Variants in DAAM1 observed in about 807,000 individuals in gnomAD.
DAAM1 encodes the protein dishevelled associated activator of morphogenesis 1.
In DAAM1, 52 loss-of-function variants were observed where a neutral mutation model predicts 130.0. The observed-to-expected ratio is 0.40, with a 90% confidence interval of 0.32 to 0.50. The LOEUF is 0.50. DAAM1 is among the 20% of genes least tolerant of loss of function. DAAM1 has a pLI of 0.61. For synonymous variants in DAAM1, 452 were observed against 444.5 expected (o/e 1.02, Z -0.21); for missense variants, 1,134 against 1,303.8 (o/e 0.87, Z 2.01).
At chr14:59,221,041 A>G (rs1375812754) in intron 1 of DAAM1, among the ~76,000 whole-genome samples, 1 of 152,148 alleles carries the variant, frequency 6.6e-6, no homozygotes, top group Non-Finnish European at 1.5e-5. Flanking sequence ...TCAACTTAAC[A>G]TCCATACACA....
intron 17 of DAAM1, among the ~76,000 whole-genome samples, chr14:59,349,057 C>T (rs566713092): frequency 1.3e-5 from 2 of 152,316 alleles, no homozygotes; most frequent in East Asian, 1.9e-4. Flanking sequence ...TTTTCTAGCT[C>T]CTTCACGTAC....
chr14:59,249,318 T>C (rs1411054794), intron 1 of DAAM1, among the ~76,000 whole-genome samples: 4 of 152,372 alleles, frequency 2.6e-5, no homozygotes, highest in East Asian at 3.9e-4. Context: ...TGTGTACTTA[T>C]GTTCTAGAAG....
intron 3 of DAAM1, among the ~76,000 whole-genome samples, chr14:59,307,590 T>C (rs1209255734): frequency 6.6e-6 from 1 of 152,206 alleles, no homozygotes; most frequent in Non-Finnish European, 1.5e-5. Context: ...GCAAGAGGCT[T>C]TCTCTGGGCA....
rs201876174 is a variant in DAAM1, at chr14:59,239,616, C to T, written c.-37-23825C>T. 1.9e-4 allele frequency among the ~76,000 whole-genome samples: 29 copies of T among 152,106 alleles called. No individual in the cohort carries two copies. The East Asian group carries it at 4.5e-3, about 23-fold the overall frequency. ...GACATTTTCTTACGTTGTGTTTTGT[C>T]GTATGCTTCCCCACCGCGCCCCCAC... On this transcript the variant is annotated intron_variant, in intron 1 of 24. Transcript: ENST00000360909.
chr14:59,229,091 T>A (rs1889026854), intron 1 of DAAM1, among the ~76,000 whole-genome samples: 1 of 152,224 alleles, frequency 6.6e-6, no homozygotes, highest in African/African-American at 2.4e-5. Context: ...AATGGGCTGA[T>A]TTTGAAGACT....
chr14:59,339,863 T>C (rs1466487888), intron 15 of DAAM1, among the ~76,000 whole-genome samples: 1 of 152,208 alleles, frequency 6.6e-6, no homozygotes, highest in African/African-American at 2.4e-5. Context: ...CAAATGTGGG[T>C]GGTCAGCTTT....
chr14:59,220,596 C>T (rs1012455527), intron 1 of DAAM1, among the ~76,000 whole-genome samples: 3 of 152,234 alleles, frequency 2.0e-5, no homozygotes, highest in Admixed American at 6.5e-5. Context: ...CAAGGAGTCC[C>T]GCCATCTGCC....
At chr14:59,220,784 T>TG (rs987806993) in intron 1 of DAAM1, among the ~76,000 whole-genome samples, 3 of 152,148 alleles carry the variant, frequency 2.0e-5, no homozygotes, top group Non-Finnish European at 4.4e-5. Flanking sequence ...CAGTGTGCAA[T>TG]GGAAGGAGAG....
intron 20 of DAAM1, among the ~76,000 whole-genome samples, chr14:59,358,620 A>T (rs1886579291): frequency 6.6e-6 from 1 of 152,116 alleles, no homozygotes; most frequent in South Asian, 2.1e-4. Flanking sequence ...AGGCGGGTGG[A>T]TCACCTGAGG....
Position 59,355,167 on chromosome 14 carries a change from A to T in DAAM1, c.2359A>T (p.Ile787Phe). 1 of 1,606,166 alleles carries T rather than the reference A, an allele frequency of 6.2e-7. No individual in the cohort carries two copies. The highest frequency in any genetic ancestry group is 1.1e-5 in the South Asian group (1 of 89,948). The change falls in exon 20 of 25, where the codon ATT becomes TTT. Residue 787 changes from isoleucine to phenylalanine, a missense_variant and splice_region_variant. Around this residue, in one of 3 missense-constraint regions of DAAM1, gnomAD observed 644 missense variants for 695.9 expected, o/e 0.93. Transcript: ENST00000360909. ...VAEVKPKVEA[I>F]RSGSEEVFRS... Reference sequence around the variant, plus strand: ...TTTTTATGTGTTTTGTTTTGAAGCAATTCGTTCTGGCTCAGAAGAGGTGTT... The same window carrying T: ...TTTTTATGTGTTTTGTTTTGAAGCATTTCGTTCTGGCTCAGAAGAGGTGTT...
In DAAM1 at chr14:59,279,660, A is replaced by AT. The variant is rs909722734; in HGVS notation, c.184-11548dup. Among the ~76,000 whole-genome samples the AT allele has an allele frequency of 3.8e-4, 57 of 151,708 alleles. No individual in the cohort carries two copies. In the East Asian group the frequency reaches 5.0e-3, roughly 13 times the overall value. On this transcript the variant is annotated intron_variant, in intron 2 of 24. Coordinates refer to ENST00000360909, the MANE Select transcript of DAAM1 (RefSeq NM_001270520.2). ...TACAGCTTCCAGAAGAAACCATACA[A>AT]TTTTTTTTTACCTGTAAGTTGTAGA...
At chr14:59,285,122 C>G (rs1296885023) in intron 2 of DAAM1, among the ~76,000 whole-genome samples, 2 of 152,108 alleles carry the variant, frequency 1.3e-5, no homozygotes, top group Non-Finnish European at 2.9e-5. Flanking sequence ...CGGCAGAAAC[C>G]TTATAAGCCA....
At chr14:59,243,694 A>T (rs568598680) in intron 1 of DAAM1, among the ~76,000 whole-genome samples, 12 of 152,268 alleles carry the variant, frequency 7.9e-5, no homozygotes, top group Non-Finnish European at 4.4e-5. Context: ...GCCTTACTGG[A>T]TGTTTCCTTT....
At chr14:59,332,124 G>A (rs1010536976) in intron 15 of DAAM1, among the ~76,000 whole-genome samples, 1 of 152,200 alleles carries the variant, frequency 6.6e-6, no homozygotes, top group African/African-American at 2.4e-5. Flanking sequence ...TTGTTAGGGA[G>A]TTTCATATCT....
chr14:59,320,644 A>G (rs564260618), intron 5 of DAAM1, 60 bp downstream of exon 5: 48 of 1,276,544 alleles, frequency 3.8e-5, no homozygotes, highest in African/African-American at 1.1e-4. Flanking sequence ...TTTTTTTGCA[A>G]TAGTCAAACC....
At chr14:59,217,874 C>G (rs543190598) in intron 1 of DAAM1, among the ~76,000 whole-genome samples, 52 of 151,964 alleles carry the variant, frequency 3.4e-4, no homozygotes, top group African/African-American at 1.0e-3. Flanking sequence ...GTAGTCCCAG[C>G]TACTTGGGAG....
chr14:59,214,260 G>A (rs1888511509), intron 1 of DAAM1, among the ~76,000 whole-genome samples: 1 of 152,182 alleles, frequency 6.6e-6, no homozygotes, highest in South Asian at 2.1e-4. Context: ...TCTTGTATAC[G>A]TTGGTTTAAG....
At chr14:59,319,064 A>T (rs1243623306) in intron 4 of DAAM1, among the ~76,000 whole-genome samples, 2 of 152,176 alleles carry the variant, frequency 1.3e-5, no homozygotes, top group African/African-American at 4.8e-5. Flanking sequence ...GAGTTCAGCT[A>T]TGTCATTGGA....
At chr14:59,214,430 T>G (rs1337039074) in intron 1 of DAAM1, among the ~76,000 whole-genome samples, 1 of 152,250 alleles carries the variant, frequency 6.6e-6, no homozygotes, top group African/African-American at 2.4e-5. Context: ...GATACTTTTC[T>G]GTTAACTGTG....
Sources: gnomAD v4.1 joint callset for allele counts (sites outside exome capture counted in the v4.1 genomes callset) on GRCh38, gnomAD v4.1.1 for gene constraint, gnomAD v4.1.1 regional missense constraint, MANE v1.5 for transcripts, NCBI Gene and HGNC (gene_info 2026-07-23, HGNC 2026-07-21) for gene names.